Variants in ZBTB20 observed in about 807,000 individuals in gnomAD.
ZBTB20 encodes the protein zinc finger and BTB domain-containing protein 20.
ZBTB20 carries 9 observed loss-of-function variants against 56.9 expected under a neutral mutation model. The ratio of observed to expected loss-of-function variants is 0.16; its 90% confidence interval spans 0.10 to 0.28. The LOEUF is 0.28. ZBTB20 is among the 10% of genes least tolerant of loss of function. The pLI is 1.00. For missense variants in ZBTB20, 655 were observed against 1,003.0 expected, an observed-to-expected ratio of 0.65 and a Z score of 4.69; for synonymous variants, 417 against 420.7, an observed-to-expected ratio of 0.99 and a Z score of 0.11.
chr3:114,715,343 T>C (rs1355208083), intron 5 of ZBTB20, among the ~76,000 whole-genome samples: 1 of 152,200 alleles, frequency 6.6e-6, no homozygotes, highest in Non-Finnish European at 1.5e-5. Context: ...CTAGCCACCT[T>C]TGTCATACCT....
At chr3:114,850,566 C>G (rs985528949) in intron 4 of ZBTB20, among the ~76,000 whole-genome samples, 3 of 152,128 alleles carry the variant, frequency 2.0e-5, no homozygotes, top group Admixed American at 6.6e-5. Context: ...ATTTTACAGA[C>G]GAGGAAACTA....
chr3:114,945,627 G>A (rs1461971656), intron 3 of ZBTB20, among the ~76,000 whole-genome samples: 2 of 145,094 alleles, frequency 1.4e-5, no homozygotes, highest in African/African-American at 2.8e-5. Flanking sequence ...CAGAAGAAAT[G>A]GGAAACATAA....
chr3:114,491,674 G>A (rs2042768212), intron 7 of ZBTB20, among the ~76,000 whole-genome samples: 1 of 152,022 alleles, frequency 6.6e-6, no homozygotes, highest in Admixed American at 6.6e-5. Context: ...TCTGCACATT[G>A]GATCTCTCCT....
chr3:114,571,506 G>A (rs915994526), intron 6 of ZBTB20, among the ~76,000 whole-genome samples: 9 of 152,070 alleles, frequency 5.9e-5, no homozygotes, highest in African/African-American at 2.2e-4. Context: ...TGCCTTCAGC[G>A]GGGTGGGGTG....
At chr3:114,605,997 A>T (rs2057118962) in intron 6 of ZBTB20, among the ~76,000 whole-genome samples, 1 of 152,186 alleles carries the variant, frequency 6.6e-6, no homozygotes, top group African/African-American at 2.4e-5. Context: ...GAAGGCGGAG[A>T]TCTGAATGAA....
intron 7 of ZBTB20, among the ~76,000 whole-genome samples, chr3:114,421,478 C>T (rs2089166415): frequency 6.6e-6 from 1 of 152,094 alleles, no homozygotes; most frequent in African/African-American, 2.4e-5. Flanking sequence ...AGCAATGAGC[C>T]GACGTTTTGT....
intron 1 of ZBTB20, among the ~76,000 whole-genome samples, chr3:115,122,198 G>A (rs1175976013): frequency 6.6e-6 from 1 of 151,986 alleles, no homozygotes. Flanking sequence ...GAAACAAAGG[G>A]GAAAACTTGG....
chr3:114,393,627 G>A (rs777047597), intron 7 of ZBTB20, among the ~76,000 whole-genome samples: 10 of 152,100 alleles, frequency 6.6e-5, no homozygotes, highest in Non-Finnish European at 1.3e-4. Flanking sequence ...AAAAAGATTC[G>A]GTGAGAATGA....
At chr3:114,810,853 T>A (rs1009256680) in intron 4 of ZBTB20, among the ~76,000 whole-genome samples, 2 of 152,128 alleles carry the variant, frequency 1.3e-5, no homozygotes, top group Non-Finnish European at 2.9e-5. Context: ...TCATAATGGT[T>A]ACATGTGTAT....
At chr3:114,522,809 T>A (rs1303268941) in intron 6 of ZBTB20, among the ~76,000 whole-genome samples, 1 of 152,188 alleles carries the variant, frequency 6.6e-6, no homozygotes, top group Admixed American at 6.5e-5. Flanking sequence ...TTTACCAATA[T>A]TGGGGAGGCT....
chr3:114,968,347 A>T (rs561292260), intron 3 of ZBTB20, among the ~76,000 whole-genome samples: 1 of 152,348 alleles, frequency 6.6e-6, no homozygotes, highest in East Asian at 1.9e-4. Context: ...TCAAATTATA[A>T]CCTTAAAAAA....
At chr3:115,110,529 C>T (rs1209942450) in intron 1 of ZBTB20, among the ~76,000 whole-genome samples, 1 of 152,136 alleles carries the variant, frequency 6.6e-6, no homozygotes, top group Non-Finnish European at 1.5e-5. Flanking sequence ...ACAGTATATA[C>T]ATTCAGAATG....
intron 6 of ZBTB20, among the ~76,000 whole-genome samples, chr3:114,587,130 G>A (rs932196564): frequency 2.6e-5 from 4 of 151,354 alleles, no homozygotes; most frequent in African/African-American, 7.3e-5. Flanking sequence ...CTGAGCAGCT[G>A]GGACTACAGG....
chr3:115,123,357 T>G (rs2084236753), intron 1 of ZBTB20, among the ~76,000 whole-genome samples: 1 of 152,206 alleles, frequency 6.6e-6, no homozygotes, highest in Admixed American at 6.5e-5. Flanking sequence ...ATGTATGAAT[T>G]ATTACTAAAA....
At chr3:115,067,233 T>C (rs1349291346) in intron 2 of ZBTB20, among the ~76,000 whole-genome samples, 1 of 151,964 alleles carries the variant, frequency 6.6e-6, no homozygotes, top group African/African-American at 2.4e-5. Flanking sequence ...CCCAACATAA[T>C]AGATGCACAG....
At chr3:114,768,207 C>T (rs973399824) in intron 5 of ZBTB20, among the ~76,000 whole-genome samples, 5 of 152,054 alleles carry the variant, frequency 3.3e-5, no homozygotes, top group Admixed American at 2.6e-4. Flanking sequence ...TGTTCCTTCT[C>T]TCCAAGTCAA....
chr3:114,654,993 ATCTT>A (rs2060316562), intron 6 of ZBTB20, among the ~76,000 whole-genome samples: 3 of 152,058 alleles, frequency 2.0e-5, no homozygotes, highest in Non-Finnish European at 4.4e-5. Context: ...CATTGTATAT[ATCTT>A]TCTATCTTTT....
At chr3:114,515,032 A>C (rs2109850655) in intron 6 of ZBTB20, among the ~76,000 whole-genome samples, 1 of 152,282 alleles carries the variant, frequency 6.6e-6, no homozygotes, top group Middle Eastern at 3.4e-3. Flanking sequence ...AATTAGTGGC[A>C]AGTTAGGAAT....
At chr3:114,486,898 T>C (rs2042207945) in intron 7 of ZBTB20, among the ~76,000 whole-genome samples, 1 of 152,162 alleles carries the variant, frequency 6.6e-6, no homozygotes, top group Non-Finnish European at 1.5e-5. Flanking sequence ...TGATCTGTTC[T>C]CAATACCCAC....
Sources: allele counts gnomAD v4.1 joint callset (sites outside exome capture counted in the v4.1 genomes callset), GRCh38; gene constraint gnomAD v4.1.1; transcripts MANE v1.5; gene names NCBI Gene and HGNC (gene_info 2026-07-23, HGNC 2026-07-21).